CAV1: variants seen among roughly 807,000 people sequenced by gnomAD.
CAV1 encodes caveolin-1.
Under a neutral mutation model 16.5 loss-of-function variants are expected in CAV1, and 10 were observed. The observed-to-expected ratio is 0.61, with a 90% CI of 0.37 to 1.03. CAV1 has a LOEUF of 1.03. Ranked by LOEUF, CAV1 falls within the 50% of genes least tolerant of loss-of-function variation. The pLI is 0.01. For missense variants in CAV1, 212 were observed against 232.8 expected (o/e 0.91, Z 0.58); for synonymous variants, 76 against 85.1 (o/e 0.89, Z 0.59).
chr7:116,548,653 A>G (rs1289222260), intron 2 of CAV1, among the ~76,000 whole-genome samples: 3 of 152,178 alleles, frequency 2.0e-5, no homozygotes, highest in Admixed American at 6.5e-5. Context: ...AAACAGCACA[A>G]GGAGTTTGGG....
intron 2 of CAV1, among the ~76,000 whole-genome samples, chr7:116,532,124 C>T (rs1195492776): frequency 1.3e-5 from 2 of 152,108 alleles, no homozygotes; most frequent in Non-Finnish European, 2.9e-5. Context: ...CAAGGTGCAC[C>T]AAGTACCCTT....
intron 2 of CAV1, among the ~76,000 whole-genome samples, chr7:116,532,443 C>T (rs898034811): frequency 3.3e-5 from 5 of 152,178 alleles, no homozygotes; most frequent in African/African-American, 1.2e-4. Flanking sequence ...CGGGGTTGGA[C>T]CTTCCATAAT....
intron 2 of CAV1, among the ~76,000 whole-genome samples, chr7:116,530,505 A>G (rs1009047681): frequency 6.6e-6 from 1 of 152,172 alleles, no homozygotes; most frequent in African/African-American, 2.4e-5. Context: ...CCAGCCATGA[A>G]AAGGATAGCA....
At position 116,550,314 on chromosome 7, in the gene CAV1, C is replaced by T. The variant is rs1794132396; in HGVS notation, c.196-8632C>T. On this transcript the variant is annotated intron_variant, in intron 2 of 2. Transcript: ENST00000341049. ...GGGGAGGTTACTTAGTATCTGTCAC[C>T]CCAAGGGAACCAACGTCGAAGCCCA... Among the ~76,000 whole-genome samples the T allele has an allele frequency of 2.0e-5, 3 of 152,260 alleles. No homozygotes were observed. The South Asian group carries it at 6.2e-4, about 32-fold the overall frequency.
chr7:116,546,565 C>T (rs112763982), intron 2 of CAV1, among the ~76,000 whole-genome samples: 2,266 of 151,542 alleles, frequency 0.015, 50 homozygotes, highest in African/African-American at 0.052. Context: ...GGTGTGGTGG[C>T]GGATGCCTGT....
At chr7:116,530,380 G>C (rs1463781170) in intron 2 of CAV1, among the ~76,000 whole-genome samples, 3 of 151,962 alleles carry the variant, frequency 2.0e-5, no homozygotes, top group African/African-American at 7.3e-5. Flanking sequence ...TTTGGAAACA[G>C]ACCAAATATA....
At chr7:116,548,606 A>G (rs1046075172) in intron 2 of CAV1, among the ~76,000 whole-genome samples, 2 of 152,188 alleles carry the variant, frequency 1.3e-5, no homozygotes, top group African/African-American at 4.8e-5. Flanking sequence ...GGGTTCAGAA[A>G]TCCCCATGTG....
At chr7:116,526,498 T>A (rs1291278628) in intron 1 of CAV1, 27 bp from the exon 2 acceptor site, 1 of 1,613,430 alleles carries the variant, frequency 6.2e-7, no homozygotes, top group African/African-American at 1.3e-5. Flanking sequence ...CTCCCCGTCC[T>A]GGCCGTCCGC....
intron 1 of CAV1, chr7:116,525,487 C>T (rs968099566): frequency 3.2e-5 from 41 of 1,288,178 alleles, no homozygotes; most frequent in Non-Finnish European, 3.9e-5. Context: ...GTGTTATTTA[C>T]CCGAGTCCTG....
intron 2 of CAV1, 27 bp from the exon 3 acceptor site, chr7:116,558,919 T>C (rs766052119): frequency 6.6e-7 from 1 of 1,522,282 alleles, no homozygotes; most frequent in South Asian, 1.1e-5. Flanking sequence ...TATTCTGTGC[T>C]CATGTTGTGT....
chr7:116,552,146 A>G (rs1412691269), intron 2 of CAV1, among the ~76,000 whole-genome samples: 1 of 152,186 alleles, frequency 6.6e-6, no homozygotes, highest in Non-Finnish European at 1.5e-5. Context: ...ACACAAGGGA[A>G]TGAACACCAG....
At position 116,559,491 on chromosome 7, in the gene CAV1, A is replaced by T; in HGVS notation, c.*204A>T. On this transcript the variant is annotated 3_prime_UTR_variant, in exon 3 of 3. Transcript: ENST00000341049. ...TCTATTTTTGGCAGTCTGAATTTTT[A>T]AAACCCATTTAAATTTTTTTCCTTA... 2 of 605,486 alleles carry T rather than the reference A, an allele frequency of 3.3e-6. No individual in the cohort carries two copies. The highest frequency in any genetic ancestry group is 5.8e-6 in the Non-Finnish European group (2 of 344,218). 37.5% of individuals were successfully genotyped at this position (605,486 alleles called of 1,614,324 possible).
intron 2 of CAV1, among the ~76,000 whole-genome samples, chr7:116,549,388 A>G (rs1794114129): frequency 6.6e-6 from 1 of 152,200 alleles, no homozygotes; most frequent in African/African-American, 2.4e-5. Flanking sequence ...TTTTCTTTAA[A>G]GGTGAAGACT....
At chr7:116,526,993 C>T (rs1237258703) in intron 2 of CAV1, 3 of 424,202 alleles carry the variant, frequency 7.1e-6, no homozygotes, top group African/African-American at 6.1e-5. Flanking sequence ...TTGACCTCAG[C>T]AACAGACGGC....
chr7:116,545,124 G>A (rs1794014612), intron 2 of CAV1, among the ~76,000 whole-genome samples: 1 of 152,182 alleles, frequency 6.6e-6, no homozygotes, highest in Admixed American at 6.5e-5. Flanking sequence ...TTCTAGAGTG[G>A]TAGTTCTCAG....
chr7:116,526,205 G>T, intron 1 of CAV1: 1 of 909,182 alleles, frequency 1.1e-6, no homozygotes, highest in Non-Finnish European at 1.3e-6. Context: ...GTGCTGAGCC[G>T]GGGCGTGCGC....
chr7:116,525,453 G>A (rs1584765585), intron 1 of CAV1: 1 of 1,378,074 alleles, frequency 7.3e-7, no homozygotes, highest in East Asian at 3.2e-5. Flanking sequence ...CTGGGGGTTC[G>A]AAGAGGTGGA....
chr7:116,525,169 C>A (rs780722754), intron 1 of CAV1, 77 bp downstream of exon 1: 1 of 1,613,838 alleles, frequency 6.2e-7, no homozygotes, highest in Non-Finnish European at 8.5e-7. Flanking sequence ...CCAAATATCC[C>A]GACTGCTGCC....
At chr7:116,525,381 G>A in intron 1 of CAV1, 1 of 1,522,984 alleles carries the variant, frequency 6.6e-7, no homozygotes, top group Admixed American at 2.0e-5. Flanking sequence ...CCCAGGACGC[G>A]TTTTCTGGAT....
Sources: allele counts gnomAD v4.1 joint callset (sites outside exome capture counted in the v4.1 genomes callset), GRCh38; gene constraint gnomAD v4.1.1; transcripts MANE v1.5; gene names NCBI Gene and HGNC (gene_info 2026-07-23, HGNC 2026-07-21).